GPC6: variants seen among roughly 807,000 people sequenced by gnomAD.
GPC6 encodes glypican-6.
In GPC6, 14 loss-of-function variants were observed where a neutral mutation model predicts 55.2. The ratio of observed to expected loss-of-function variants is 0.25; its 90% CI spans 0.17 to 0.40. The LOEUF is 0.40. Among genes scored for constraint, GPC6 ranks in the 10% least tolerant of loss-of-function variants. The probability of loss-of-function intolerance (pLI) is 1.00; values close to 1 mark genes in which losing one functional copy is unlikely to be tolerated. For missense variants in GPC6, 641 were observed against 708.5 expected (o/e 0.90, Z 1.08); for synonymous variants, 278 against 259.6 (o/e 1.07, Z -0.68).
chr13:93,844,362 CT>C (rs1888086357), intron 3 of GPC6, among the ~76,000 whole-genome samples: 4 of 152,166 alleles, frequency 2.6e-5, no homozygotes, highest in Non-Finnish European at 4.4e-5. Context: ...TGGTCTCGAT[CT>C]CTTGACCTCA....
chr13:93,534,537 C>T (rs918224863), intron 1 of GPC6, among the ~76,000 whole-genome samples: 11 of 152,142 alleles, frequency 7.2e-5, no homozygotes, highest in Admixed American at 2.0e-4. Context: ...TCTTTCCCAC[C>T]ACGCCACTCA....
At chr13:93,357,836 T>A (rs2139173119) in intron 1 of GPC6, among the ~76,000 whole-genome samples, 1 of 152,108 alleles carries the variant, frequency 6.6e-6, no homozygotes, top group South Asian at 2.1e-4. Flanking sequence ...CCAAAAAATG[T>A]AAATAATTGT....
At chr13:94,275,051 A>G (rs1303044666) in intron 4 of GPC6, among the ~76,000 whole-genome samples, 1 of 152,210 alleles carries the variant, frequency 6.6e-6, no homozygotes, top group African/African-American at 2.4e-5. Flanking sequence ...GTTAGTTTTT[A>G]TAAACTTTCT....
intron 2 of GPC6, among the ~76,000 whole-genome samples, chr13:93,761,662 A>G (rs1378667973): frequency 6.6e-6 from 1 of 152,004 alleles, no homozygotes; most frequent in African/African-American, 2.4e-5. Flanking sequence ...GCACCACCAC[A>G]CCGGGCTAAT....
chr13:94,245,506 G>A (rs974256149), intron 4 of GPC6, among the ~76,000 whole-genome samples: 2 of 152,020 alleles, frequency 1.3e-5, no homozygotes, highest in African/African-American at 4.8e-5. Context: ...GGAGTTAGAG[G>A]TGGCAGTGAA....
At chr13:94,315,791 C>T (rs929022349) in intron 6 of GPC6, among the ~76,000 whole-genome samples, 11 of 152,210 alleles carry the variant, frequency 7.2e-5, no homozygotes, top group African/African-American at 2.2e-4. Flanking sequence ...TGTGCACTAA[C>T]ATGAACCATG....
chr13:93,717,387 C>A (rs2138817465), intron 2 of GPC6, among the ~76,000 whole-genome samples: 1 of 151,486 alleles, frequency 6.6e-6, no homozygotes, highest in South Asian at 2.1e-4. Flanking sequence ...ATAAAATCTA[C>A]CTGAATGTCC....
At chr13:93,401,727 A>C (rs1876092536) in intron 1 of GPC6, among the ~76,000 whole-genome samples, 1 of 142,960 alleles carries the variant, frequency 7.0e-6, no homozygotes, top group South Asian at 2.2e-4. Context: ...AGAGGCATCC[A>C]ATTTCAAGCT....
chr13:93,542,090 T>A (rs1483272356), intron 1 of GPC6, among the ~76,000 whole-genome samples: 1 of 152,212 alleles, frequency 6.6e-6, no homozygotes, highest in East Asian at 1.9e-4. Context: ...AGACATGAAG[T>A]CCTTGCCCAT....
At chr13:94,312,524 A>G (rs999356521) in intron 6 of GPC6, among the ~76,000 whole-genome samples, 3 of 152,206 alleles carry the variant, frequency 2.0e-5, no homozygotes, top group Non-Finnish European at 4.4e-5. Flanking sequence ...TTAAATTGCC[A>G]TGGCATTTCA....
At chr13:93,820,748 C>T (rs1034272154) in intron 2 of GPC6, among the ~76,000 whole-genome samples, 5 of 150,952 alleles carry the variant, frequency 3.3e-5, no homozygotes, top group Non-Finnish European at 5.9e-5. Context: ...TTTTAAGTCT[C>T]CTGGGACTCA....
chr13:94,324,421 A>G (rs2139133509), intron 6 of GPC6, among the ~76,000 whole-genome samples: 1 of 152,292 alleles, frequency 6.6e-6, no homozygotes. Context: ...CAGCATTTGA[A>G]ATAGCCTTTT....
At chr13:94,038,533 G>A (rs1352277700) in intron 4 of GPC6, among the ~76,000 whole-genome samples, 1 of 151,916 alleles carries the variant, frequency 6.6e-6, no homozygotes, top group Non-Finnish European at 1.5e-5. Flanking sequence ...CACTGCATGA[G>A]TTTGAATCCT....
In GPC6 at chr13:94,217,863, A is replaced by G. The variant is rs150021769; in HGVS notation, c.878-68486A>G. 4.6e-5 allele frequency among the ~76,000 whole-genome samples: 7 copies of G among 152,178 alleles called. No homozygotes were observed. The East Asian group carries it at 1.2e-3, about 25-fold the overall frequency. ...TCAAGGCCTTCATTTTCTTATCTGT[A>G]TAAGGGACATGATACAACTTACCTT... On this transcript the variant is annotated intron_variant, in intron 4 of 8. Coordinates refer to ENST00000377047, the MANE Select transcript of GPC6 (RefSeq NM_005708.5).
intron 3 of GPC6, among the ~76,000 whole-genome samples, chr13:93,848,068 T>C (rs997611234): frequency 6.6e-6 from 1 of 152,184 alleles, no homozygotes; most frequent in African/African-American, 2.4e-5. Context: ...GGCCAGTCAA[T>C]TTAATGTCAG....
At chr13:93,845,526 A>G (rs1312981450) in intron 3 of GPC6, among the ~76,000 whole-genome samples, 2 of 140,036 alleles carry the variant, frequency 1.4e-5, no homozygotes, top group Non-Finnish European at 3.0e-5. Flanking sequence ...ATAAAGAGAC[A>G]TGCACATGTA....
At chr13:93,895,234 G>GTGTGTGTGTGTGTATA (rs1196315147) in intron 3 of GPC6, among the ~76,000 whole-genome samples, 2 of 108,216 alleles carry the variant, frequency 1.8e-5, no homozygotes, top group African/African-American at 7.4e-5. Flanking sequence ...GTGTGTGTGT[G>GTGTGTGTGTGTGTATA]TATATATATA....
chr13:93,655,929 A>G (rs1880643465), intron 2 of GPC6, among the ~76,000 whole-genome samples: 1 of 152,216 alleles, frequency 6.6e-6, no homozygotes, highest in African/African-American at 2.4e-5. Flanking sequence ...TTTTATATGT[A>G]TGCGTATATG....
chr13:93,971,623 T>C (rs1414086588), intron 3 of GPC6, among the ~76,000 whole-genome samples: 1 of 152,234 alleles, frequency 6.6e-6, no homozygotes, highest in Non-Finnish European at 1.5e-5. Flanking sequence ...ATCAATGTGA[T>C]GCTACAGACT....
Sources: allele counts gnomAD v4.1 joint callset (sites outside exome capture counted in the v4.1 genomes callset), GRCh38; gene constraint gnomAD v4.1.1; transcripts MANE v1.5; gene names NCBI Gene and HGNC (gene_info 2026-07-23, HGNC 2026-07-21).